Variants in VPS13C observed in about 807,000 individuals in gnomAD.
The protein encoded by VPS13C is intermembrane lipid transfer protein VPS13C.
A neutral mutation model predicts 456.8 loss-of-function variants in VPS13C; 358 were observed. The observed-to-expected ratio is 0.78, with a 90% CI of 0.72 to 0.86. The LOEUF (loss-of-function observed/expected upper bound fraction) is 0.86. Among genes scored for constraint, VPS13C ranks in the 40% least tolerant of loss-of-function variants. The pLI, the probability that VPS13C is intolerant of heterozygous loss-of-function variation, is 0.00. For synonymous variants in VPS13C, 1,578 were observed against 1,486.7 expected, an observed-to-expected ratio of 1.06 and a Z score of -1.41; for missense variants, 4,818 against 4,385.4, an observed-to-expected ratio of 1.10 and a Z score of -2.79.
intron 42 of VPS13C, 82 bp downstream of exon 42, chr15:61,949,361 T>G (rs2044709279): frequency 1.4e-6 from 2 of 1,479,770 alleles, no homozygotes; most frequent in Non-Finnish European, 1.8e-6. Flanking sequence ...ATGCTAAATA[T>G]TCATCTTAAC....
At chr15:61,974,480 G>T in intron 24 of VPS13C, 63 bp from the exon 25 acceptor site, 1 of 1,530,896 alleles carries the variant, frequency 6.5e-7, no homozygotes, top group Non-Finnish European at 8.9e-7. Context: ...GGAAAGAATT[G>T]CATTAATGTA....
chr15:62,037,523 TAAATAATGCA>T (rs1280765009), intron 3 of VPS13C, among the ~76,000 whole-genome samples: 2 of 138,956 alleles, frequency 1.4e-5, no homozygotes, highest in Non-Finnish European at 3.0e-5. Flanking sequence ...AAGAATATAA[TAAATAATGCA>T]AAATTTCTTT....
At chr15:61,986,315 T>C (rs992374286) in intron 18 of VPS13C, among the ~76,000 whole-genome samples, 3 of 151,890 alleles carry the variant, frequency 2.0e-5, no homozygotes, top group South Asian at 2.1e-4. Flanking sequence ...TAGCAAAGAA[T>C]TTGGAAGCTA....
chr15:61,861,912 CA>C (rs1171591558), intron 82 of VPS13C, among the ~76,000 whole-genome samples: 1 of 152,088 alleles, frequency 6.6e-6, no homozygotes, highest in Non-Finnish European at 1.5e-5. Flanking sequence ...CTAGCCTGGA[CA>C]ACATAACAAA....
At chr15:61,966,707 T>C (rs1353816501) in intron 29 of VPS13C, among the ~76,000 whole-genome samples, 1 of 151,948 alleles carries the variant, frequency 6.6e-6, no homozygotes, top group Non-Finnish European at 1.5e-5. Context: ...TGCCCCTCTG[T>C]TCCAATAATG....
Position 61,918,305 on chromosome 15 carries a change from G to A in VPS13C, c.7639-48C>T, listed in dbSNP as rs11071640. 0.07 allele frequency: 101,338 copies of A among 1,446,462 alleles called. 3,844 individuals carry two copies. Among genetic ancestry groups the A allele is most frequent in the Middle Eastern group, 0.079 (406 of 5,160 alleles). 89.6% of individuals were successfully genotyped at this position (1,446,462 alleles called of 1,614,324 possible). A position where few individuals can be genotyped will look rare whatever the true frequency, so the allele number is the denominator to read the frequency against. On this transcript the variant is annotated intron_variant, in intron 58 of 84. Transcript: ENST00000644861. ...AGTTTTTTAAAAGATATGTAAGTTC[G>A]AAAGAAAAAATGAGAGCCACAAACA...
rs994771289 is a variant in VPS13C at position 61,962,817 on chromosome 15, G to C, written c.3367C>G (p.Gln1123Glu). 30 of 1,606,328 alleles carry C rather than the reference G, an allele frequency of 1.9e-5. No homozygotes were observed. The highest frequency in any genetic ancestry group is 2.3e-5 in the Non-Finnish European group (27 of 1,175,342). The change falls in exon 33 of 85, where the codon CAG (glutamine) becomes GAG (glutamate). Residue 1123 changes from glutamine (Q) to glutamate (E), a missense_variant. Gln to Glu is a conservative substitution (Grantham distance 29). Coordinates refer to ENST00000644861, the MANE Select transcript of VPS13C (RefSeq NM_020821.3). The part of the protein sequence containing the change: ...DSSLSLQSRK[Q>E]SLFARLENII... ...TTTTCTAGTCGGGCAAAAAGTGACT[G>C]CTTTCTTGACTGGAGAGAAAGGGAG...
At chr15:61,898,540 CAAG>C (rs2042901794) in intron 66 of VPS13C, among the ~76,000 whole-genome samples, 1 of 152,150 alleles carries the variant, frequency 6.6e-6, no homozygotes, top group African/African-American at 2.4e-5. Flanking sequence ...ATCAATTCAA[CAAG>C]AAGAGCTAAC....
chr15:61,864,727 C>G lies in VPS13C; in HGVS notation c.10864-1199G>C, dbSNP rs535273025. The G allele has an allele frequency of 2.4e-5, 24 of 985,468 alleles. No individual in the cohort carries two copies. The East Asian group carries it at 9.1e-4, about 37-fold the overall frequency. The allele number at this position is 985,468 out of a possible 1,614,324, so 61.0% of individuals were successfully genotyped here. On this transcript the variant is annotated intron_variant, in intron 81 of 84. Coordinates refer to ENST00000644861, the MANE Select transcript of VPS13C (RefSeq NM_020821.3). ...GGGATCTCATCTTCAGAATGAGTCT[C>G]AGAGAGGAGTGCAGATTTCACAGCA... is the stretch of plus-strand genomic sequence containing the variant.
rs534470989 is a variant in VPS13C, at chr15:61,852,899, A to G, written c.*1558T>C. The stretch of plus-strand genomic sequence containing the variant: ...AAAGTTTTATGACCAGGCCTTAAAA[A>G]ACATGAATGATGATGACAGAACCAC... On this transcript the variant is annotated 3_prime_UTR_variant, in exon 85 of 85. Coordinates refer to ENST00000644861, the MANE Select transcript of VPS13C (RefSeq NM_020821.3). 6.6e-6 allele frequency: 1 copy of G among 152,296 alleles called. No individual in the cohort carries two copies. Among genetic ancestry groups the G allele is most frequent in the South Asian group, 2.1e-4 (1 of 4,822 alleles). The allele number at this position is 152,296 out of a possible 1,614,324, so 9.4% of individuals were successfully genotyped here.
At chr15:62,002,916 A>C (rs1412638093) in intron 15 of VPS13C, among the ~76,000 whole-genome samples, 3 of 152,196 alleles carry the variant, frequency 2.0e-5, no homozygotes, top group Non-Finnish European at 2.9e-5. Context: ...TGTTTTGGTT[A>C]CTGTAGCCTT....
chr15:61,971,545 G>A (rs2045556901), intron 27 of VPS13C, among the ~76,000 whole-genome samples: 1 of 152,182 alleles, frequency 6.6e-6, no homozygotes, highest in Non-Finnish European at 1.5e-5. Context: ...ACAGGCGTGA[G>A]CCACCATGCC....
intron 9 of VPS13C, among the ~76,000 whole-genome samples, chr15:62,016,776 G>C (rs2140538825): frequency 6.6e-6 from 1 of 151,998 alleles, no homozygotes; most frequent in South Asian, 2.1e-4. Context: ...TATTCCTTTG[G>C]GTATATACCC....
At chr15:61,940,886 C>A in intron 46 of VPS13C, 92 bp from the exon 47 acceptor site, 1 of 1,297,576 alleles carries the variant, frequency 7.7e-7, no homozygotes, top group Non-Finnish European at 1.0e-6. Context: ...CACAGCATTT[C>A]ATAAAGGCTA....
chr15:61,884,513 G>C (rs886969980), intron 67 of VPS13C, among the ~76,000 whole-genome samples: 1 of 152,058 alleles, frequency 6.6e-6, no homozygotes, highest in Non-Finnish European at 1.5e-5. Flanking sequence ...TTTTTCTGCA[G>C]AGGGTCATAT....
intron 46 of VPS13C, among the ~76,000 whole-genome samples, chr15:61,941,350 G>A (rs572795148): frequency 5.9e-5 from 9 of 151,990 alleles, no homozygotes; most frequent in African/African-American, 1.7e-4. Context: ...TAATCCTTTC[G>A]ATAACTCACT....
At chr15:61,921,560 T>A (rs1209086008) in intron 55 of VPS13C, among the ~76,000 whole-genome samples, 3 of 151,918 alleles carry the variant, frequency 2.0e-5, no homozygotes, top group Non-Finnish European at 2.9e-5. Flanking sequence ...TGAAAAAAAA[T>A]TAAAAATTCA....
chr15:61,881,610 C>T lies in VPS13C; in HGVS notation c.9729G>A (p.Val3243=). 6.2e-7 allele frequency: 1 copy of T among 1,612,588 alleles called. No individual in the cohort carries two copies. The highest frequency in any genetic ancestry group is 8.5e-7 in the Non-Finnish European group (1 of 1,179,258). ...LDSEPKPFID[V]SVITRFNEYS... is the part of the protein sequence containing the mutation. ...ACTCATTAAATCTTGTGATGACACTCACATCAATGAAAGGCTTGGGCTCTA... is the reference window on the plus strand; with the variant it reads ...ACTCATTAAATCTTGTGATGACACTTACATCAATGAAAGGCTTGGGCTCTA... The change falls in exon 71 of 85, where the codon GTG becomes GTA. Residue 3243 remains valine (V), a synonymous_variant. Transcript: ENST00000644861.
intron 51 of VPS13C, among the ~76,000 whole-genome samples, chr15:61,928,895 TA>T (rs762941272): frequency 7.1e-6 from 1 of 141,330 alleles, no homozygotes; most frequent in Non-Finnish European, 1.6e-5. Context: ...AAAAAAATTT[TA>T]AAAAAAAAGG....
Sources: gnomAD v4.1 joint callset for allele counts (sites outside exome capture counted in the v4.1 genomes callset) on GRCh38, gnomAD v4.1.1 for gene constraint, MANE v1.5 for transcripts, NCBI Gene and HGNC (gene_info 2026-07-23, HGNC 2026-07-21) for gene names.